CHL1: variants seen among roughly 807,000 people sequenced by gnomAD.
CHL1 encodes the protein neural cell adhesion molecule L1-like protein.
CHL1 carries 96 observed loss-of-function variants against 141.9 expected under a neutral mutation model. That is an observed-to-expected ratio of 0.68 (90% CI 0.57 to 0.80). The LOEUF is 0.80. Ranked by LOEUF, CHL1 falls within the 30% of genes least tolerant of loss-of-function variation. CHL1 has a pLI of 0.00. For synonymous variants in CHL1, 613 were observed against 502.2 expected (o/e 1.22, Z -2.95); for missense variants, 1,820 against 1,457.2 (o/e 1.25, Z -4.05).
chr3:403,570 A>T (rs551812451), intron 27 of CHL1, among the ~76,000 whole-genome samples: 1 of 152,244 alleles, frequency 6.6e-6, no homozygotes, highest in African/African-American at 2.4e-5. Flanking sequence ...AAACACAAAC[A>T]AACAAACAAG....
intron 2 of CHL1, among the ~76,000 whole-genome samples, chr3:257,927 T>C (rs964473042): frequency 6.6e-6 from 1 of 152,182 alleles, no homozygotes; most frequent in South Asian, 2.1e-4. Flanking sequence ...TTTGTTAACA[T>C]TGTCTCATCT....
intron 2 of CHL1, among the ~76,000 whole-genome samples, chr3:305,664 T>C (rs2124937767): frequency 6.6e-6 from 1 of 151,108 alleles, no homozygotes; most frequent in South Asian, 2.1e-4. Context: ...ATATAACAGA[T>C]ATAAGGCATA....
At chr3:208,568 A>C (rs757695526) in intron 1 of CHL1, among the ~76,000 whole-genome samples, 21 of 152,216 alleles carry the variant, frequency 1.4e-4, no homozygotes, top group Admixed American at 4.6e-4. Flanking sequence ...GCTTGGTTCT[A>C]GGCCTTTATT....
At chr3:340,315 G>A (rs1015202698) in intron 5 of CHL1, among the ~76,000 whole-genome samples, 1 of 152,108 alleles carries the variant, frequency 6.6e-6, no homozygotes, top group East Asian at 1.9e-4. Context: ...TTCTCCATAT[G>A]GGCTGGGAAG....
At chr3:233,835 T>A (rs1242755620) in intron 1 of CHL1, among the ~76,000 whole-genome samples, 1 of 152,122 alleles carries the variant, frequency 6.6e-6, no homozygotes, top group Non-Finnish European at 1.5e-5. Context: ...ACTTAGGTTG[T>A]CACCCAAATT....
intron 2 of CHL1, among the ~76,000 whole-genome samples, chr3:256,393 A>G (rs190324329): frequency 6.6e-6 from 1 of 152,338 alleles, no homozygotes; most frequent in East Asian, 1.9e-4. Flanking sequence ...CAGAATAAAT[A>G]TGAATAGAAT....
chr3:237,597 T>G lies in CHL1; in HGVS notation c.-174-7016T>G, dbSNP rs1692120710. Among the ~76,000 whole-genome samples, 5 of 152,222 alleles carry G rather than the reference T, an allele frequency of 3.3e-5. No individual in the cohort carries two copies. In the South Asian group the frequency reaches 1.0e-3, roughly 31 times the overall value. The stretch of plus-strand genomic sequence containing the variant: ...GTAGATAAAGGCACAGGCCTTGAGG[T>G]TACACACATTAGGTTCGTATCTTGG... On this transcript the variant is annotated intron_variant, in intron 1 of 27. Transcript: ENST00000256509.
chr3:401,605 C>A, intron 26 of CHL1, 21 bp from the exon 27 acceptor site: 1 of 1,462,170 alleles, frequency 6.8e-7, no homozygotes, highest in Non-Finnish European at 9.5e-7. Context: ...TTACTTTTCC[C>A]ACTTTTTTTC....
chr3:389,391 C>T lies in CHL1; in HGVS notation c.2387C>T (p.Pro796Leu). The T allele has an allele frequency of 3.7e-6, 6 of 1,614,192 alleles. No homozygotes were observed. Among genetic ancestry groups the T allele is most frequent in the Non-Finnish European group, 5.1e-6 (6 of 1,180,036 alleles). Residue 796 changes from proline (P) to leucine (L), a missense_variant, in exon 20 of 28, where the codon CCT (proline) becomes CTT (leucine). Pro to Leu is a moderately conservative substitution (Grantham distance 98). Coordinates refer to ENST00000256509, the MANE Select transcript of CHL1 (RefSeq NM_006614.4). ...GTGATGACGCCTGCTGTCTATGCCC[C>T]TTATGATGTCAAGGTCCAGGCTATC... ...LRVMTPAVYA[P>L]YDVKVQAINQ...
At chr3:304,430 T>C (rs1041085760) in intron 2 of CHL1, among the ~76,000 whole-genome samples, 2 of 152,208 alleles carry the variant, frequency 1.3e-5, no homozygotes, top group South Asian at 4.1e-4. Flanking sequence ...TTGTTATTGT[T>C]TTATTCGGGG....
intron 7 of CHL1, 150 bp downstream of exon 7, chr3:342,232 T>A: frequency 1.7e-6 from 1 of 587,784 alleles, no homozygotes; most frequent in Non-Finnish European, 2.9e-6. Context: ...GAAATAGACA[T>A]CTGCAGCTGC....
In CHL1 at chr3:377,444, C is replaced by T. The variant is rs535310139; in HGVS notation, c.1752-374C>T. 7.9e-5 allele frequency among the ~76,000 whole-genome samples: 12 copies of T among 152,240 alleles called. No individual in the cohort carries two copies. In the East Asian group the frequency reaches 1.4e-3, roughly 17 times the overall value. ...CTGCCTTTGTAGGAAGCACTCCAAT[C>T]GAGCCTATATAGGTGATTCCCTAAA... On this transcript the variant is annotated intron_variant, in intron 15 of 27. Transcript: ENST00000256509.
chr3:263,428 A>G (rs896523887), intron 2 of CHL1, among the ~76,000 whole-genome samples: 2 of 152,056 alleles, frequency 1.3e-5, no homozygotes, highest in African/African-American at 4.8e-5. Flanking sequence ...GTTTCTTTGT[A>G]TCCTTGTGAC....
In CHL1 at chr3:407,273, A is replaced by G. The variant is rs1471527517; in HGVS notation, c.*1562A>G. Reference sequence around the variant, plus strand: ...TTATTGGTATACTGTTATATCCTCAACTTGGATTTATGGTAACCCCTTATA... The same window carrying G: ...TTATTGGTATACTGTTATATCCTCAGCTTGGATTTATGGTAACCCCTTATA... On this transcript the variant is annotated 3_prime_UTR_variant, in exon 28 of 28. Transcript: ENST00000256509. 1.3e-5 allele frequency: 2 copies of G among 152,126 alleles called. No individual in the cohort carries two copies. Among genetic ancestry groups the G allele is most frequent in the African/African-American group, 2.4e-5 (1 of 41,434 alleles). The allele number at this position is 152,126 out of a possible 1,614,324, so 9.4% of individuals were successfully genotyped here.
At chr3:383,412 T>C (rs1171233424) in intron 18 of CHL1, among the ~76,000 whole-genome samples, 1 of 152,202 alleles carries the variant, frequency 6.6e-6, no homozygotes, top group Non-Finnish European at 1.5e-5. Context: ...TTTACTTTAT[T>C]CTTCTACAGG....
chr3:344,731 C>G, intron 9 of CHL1, 22 bp downstream of exon 9: 1 of 1,611,482 alleles, frequency 6.2e-7, no homozygotes, highest in Non-Finnish European at 8.5e-7. Flanking sequence ...GACTCTCACT[C>G]ATGACTTTGT....
chr3:278,097 A>C (rs1203628315), intron 2 of CHL1, among the ~76,000 whole-genome samples: 2 of 152,238 alleles, frequency 1.3e-5, no homozygotes, highest in Non-Finnish European at 2.9e-5. Flanking sequence ...CCAGTTCAAG[A>C]AGGAAATAAA....
chr3:345,790 C>T (rs187085203), intron 9 of CHL1, among the ~76,000 whole-genome samples: 159 of 152,316 alleles, frequency 1.0e-3, no homozygotes, highest in Non-Finnish European at 1.3e-3. Context: ...GCCCGCAATG[C>T]ACCTTTTTAA....
intron 15 of CHL1, among the ~76,000 whole-genome samples, chr3:374,596 C>T (rs895798710): frequency 6.6e-6 from 1 of 152,180 alleles, no homozygotes; most frequent in African/African-American, 2.4e-5. Flanking sequence ...GAACCTCTGG[C>T]TATCTGAGTG....
Sources: gnomAD v4.1 joint callset for allele counts (sites outside exome capture counted in the v4.1 genomes callset) on GRCh38, gnomAD v4.1.1 for gene constraint, MANE v1.5 for transcripts, NCBI Gene and HGNC (gene_info 2026-07-23, HGNC 2026-07-21) for gene names.